The following APP variants were observed in gnomAD, a reference collection of about 807,000 sequenced individuals.
APP encodes amyloid beta precursor protein.
Under a neutral mutation model 101.4 loss-of-function variants are expected in APP, and 31 were observed. The ratio of observed to expected loss-of-function variants is 0.31; its 90% CI spans 0.23 to 0.41. The LOEUF is 0.41. APP is among the 10% of genes least tolerant of loss of function. APP has a pLI of 1.00. For missense variants in APP, 839 were observed against 1,003.7 expected (o/e 0.84, Z 2.22); for synonymous variants, 366 against 364.4 (o/e 1.00, Z -0.05).
Position 26,154,889 on chromosome 21 carries a change from C to T in APP, c.57+15675G>A, listed in dbSNP as rs1402840131. On this transcript the variant is annotated intron_variant, in intron 1 of 17. Transcript: ENST00000346798. ...AGAGACTCTCCTAGAGCTGCACTGT[C>T]CAATACAGTAACCACTAGCCATCTG... Among the ~76,000 whole-genome samples, 4 of 152,220 alleles carry T rather than the reference C, an allele frequency of 2.6e-5. No homozygotes were observed. The East Asian group carries it at 7.7e-4, about 29-fold the overall frequency.
At chr21:25,998,738 C>G (rs981761039) in intron 7 of APP, among the ~76,000 whole-genome samples, 1 of 152,036 alleles carries the variant, frequency 6.6e-6, no homozygotes, top group Non-Finnish European at 1.5e-5. Context: ...TCAAGCTGAG[C>G]TGAATAATTA....
At position 26,136,207 on chromosome 21, in the gene APP, A is replaced by AAAGAAAGAAAGG. The variant is rs1273283293; in HGVS notation, c.58-24062_58-24061insCCTTTCTTTCTT. 2.2e-5 allele frequency among the ~76,000 whole-genome samples: 3 copies of AAAGAAAGAAAGG among 137,528 alleles called. No individual in the cohort carries two copies. The South Asian group carries it at 6.9e-4, about 32-fold the overall frequency. The allele number at this position is 137,528 out of a possible 152,430, so 90.2% of individuals were successfully genotyped here. ...AAAGAAAGAAAGAAAGAAAGAAAAG[A>AAAGAAAGAAAGG]AAAGAAAGAAAAGAAATAGTTTTGT... is the stretch of plus-strand genomic sequence containing the variant. On this transcript the variant is annotated intron_variant, in intron 1 of 17. Transcript: ENST00000346798.
chr21:25,924,467 C>A lies in APP; in HGVS notation c.1688-12505G>T, dbSNP rs1210764221. Among the ~76,000 whole-genome samples the A allele has an allele frequency of 2.0e-5, 2 of 101,530 alleles. 1 individual carries two copies. Among genetic ancestry groups the A allele is most frequent in the African/African-American group, 7.3e-5 (2 of 27,530 alleles). The allele number at this position is 101,530 out of a possible 152,430, so 66.6% of individuals were successfully genotyped here. ...GTTGAGTTCATGTCCTTTGCAGGGC[C>A]ATGGATGAAGCTGGAGGCCATCATC... On this transcript the variant is annotated intron_variant, in intron 13 of 17. Coordinates refer to ENST00000346798, the MANE Select transcript of APP (RefSeq NM_000484.4).
chr21:25,938,286 T>G (rs2040435033), intron 13 of APP, among the ~76,000 whole-genome samples: 1 of 152,136 alleles, frequency 6.6e-6, no homozygotes, highest in South Asian at 2.1e-4. Context: ...ACTTTGGAAG[T>G]GAACACCACT....
At chr21:26,054,173 A>G (rs2045945740) in intron 3 of APP, among the ~76,000 whole-genome samples, 1 of 152,242 alleles carries the variant, frequency 6.6e-6, no homozygotes, top group Admixed American at 6.5e-5. Context: ...AGAGATAAGG[A>G]AAGTGTCAGG....
At chr21:26,052,621 C>A (rs756059196) in intron 4 of APP, among the ~76,000 whole-genome samples, 2 of 152,152 alleles carry the variant, frequency 1.3e-5, no homozygotes, top group African/African-American at 2.4e-5. Context: ...CAGACTCACC[C>A]TGTGGAAAAA....
At chr21:26,038,997 A>G (rs2045254358) in intron 5 of APP, among the ~76,000 whole-genome samples, 1 of 152,190 alleles carries the variant, frequency 6.6e-6, no homozygotes, top group Non-Finnish European at 1.5e-5. Context: ...ACCTTTGAAG[A>G]TATTTTTGAA....
intron 15 of APP, among the ~76,000 whole-genome samples, chr21:25,900,004 G>A (rs1352562138): frequency 6.6e-6 from 1 of 152,116 alleles, no homozygotes; most frequent in Non-Finnish European, 1.5e-5. Flanking sequence ...GAGACCCACA[G>A]AGTTCTCTAT....
intron 6 of APP, among the ~76,000 whole-genome samples, chr21:26,001,270 T>C (rs1028002604): frequency 4.6e-5 from 7 of 152,150 alleles, no homozygotes; most frequent in Non-Finnish European, 1.0e-4. Flanking sequence ...ACCCATCCAA[T>C]TGCATGTATA....
At chr21:25,903,363 C>A in intron 15 of APP, among the ~76,000 whole-genome samples, 4 of 119,056 alleles carry the variant, frequency 3.4e-5, no homozygotes, top group East Asian at 2.3e-4. Flanking sequence ...AGCGAGACTC[C>A]ATCTCAAAAA....
chr21:26,110,450 AAAAAC>A (rs1049983072), intron 2 of APP, among the ~76,000 whole-genome samples: 5 of 152,222 alleles, frequency 3.3e-5, no homozygotes, highest in African/African-American at 1.2e-4. Flanking sequence ...CATCTCAAAA[AAAAAC>A]AAAACAAAAC....
chr21:26,128,502 G>A (rs149354645), intron 1 of APP, among the ~76,000 whole-genome samples: 40 of 152,210 alleles, frequency 2.6e-4, no homozygotes, highest in African/African-American at 9.4e-4. Flanking sequence ...ATACCACTAA[G>A]TTATTAAATA....
chr21:26,055,166 G>A (rs558002195), intron 3 of APP, among the ~76,000 whole-genome samples: 1 of 152,260 alleles, frequency 6.6e-6, no homozygotes, highest in South Asian at 2.1e-4. Flanking sequence ...GGCTGCAGGT[G>A]TCACTTTGCA....
rs547948702 is a variant in APP at position 25,955,167 on chromosome 21, T to C, written c.1587+460A>G. Among the ~76,000 whole-genome samples the C allele has an allele frequency of 2.6e-5, 4 of 152,214 alleles. No individual in the cohort carries two copies. In the East Asian group the frequency reaches 5.8e-4, roughly 22 times the overall value. Reference sequence around the variant, plus strand: ...TATTTAACTCTTTCATTCAAGAAAATGTAAAATTTCACATTTCCTAAGGTA... The same window carrying C: ...TATTTAACTCTTTCATTCAAGAAAACGTAAAATTTCACATTTCCTAAGGTA... On this transcript the variant is annotated intron_variant, in intron 12 of 17. Transcript: ENST00000346798.
At chr21:25,890,021 T>C (rs2037586567) in intron 17 of APP, among the ~76,000 whole-genome samples, 1 of 152,236 alleles carries the variant, frequency 6.6e-6, no homozygotes, top group East Asian at 1.9e-4. Flanking sequence ...TGAAATAAGC[T>C]GATACTAATG....
chr21:25,999,020 G>C (rs1438317900), intron 7 of APP, among the ~76,000 whole-genome samples: 1 of 152,224 alleles, frequency 6.6e-6, no homozygotes. Context: ...GCGGGGTGCA[G>C]TGGCTCACGC....
intron 2 of APP, among the ~76,000 whole-genome samples, chr21:26,097,549 G>A (rs1037440919): frequency 5.2e-5 from 2 of 38,412 alleles, no homozygotes; most frequent in African/African-American, 2.2e-4. Context: ...TTTCAATATT[G>A]TTCTTCCAAG....
chr21:26,164,800 G>A (rs1247904855), intron 1 of APP, among the ~76,000 whole-genome samples: 2 of 149,548 alleles, frequency 1.3e-5, no homozygotes, highest in Non-Finnish European at 3.0e-5. Flanking sequence ...AGGTTGCAGT[G>A]AGCCGAGATC....
chr21:26,002,151 G>A (rs2043323302), intron 6 of APP, among the ~76,000 whole-genome samples: 2 of 152,136 alleles, frequency 1.3e-5, no homozygotes, highest in Admixed American at 6.5e-5. Context: ...TCGTAGCCAC[G>A]TTTCCATCTG....
Sources: allele counts gnomAD v4.1 joint callset (sites outside exome capture counted in the v4.1 genomes callset), GRCh38; gene constraint gnomAD v4.1.1; transcripts MANE v1.5; gene names NCBI Gene and HGNC (gene_info 2026-07-23, HGNC 2026-07-21).